The following RGS6 variants were observed in gnomAD, a reference collection of about 807,000 sequenced individuals.
The protein encoded by RGS6 is regulator of G-protein signaling 6.
RGS6 carries 30 observed loss-of-function variants against 78.5 expected under a neutral mutation model. That is an observed-to-expected ratio of 0.38 (90% CI 0.29 to 0.52). RGS6 has a LOEUF of 0.52. Among genes scored for constraint, RGS6 ranks in the 20% least tolerant of loss-of-function variants. RGS6 has a pLI of 0.85. For synonymous variants in RGS6, 206 were observed against 206.0 expected, an observed-to-expected ratio of 1.00 and a Z score of 0.00; for missense variants, 495 against 609.7, an observed-to-expected ratio of 0.81 and a Z score of 1.98.
intron 3 of RGS6, among the ~76,000 whole-genome samples, chr14:72,427,193 A>C (rs2094463208): frequency 6.6e-6 from 1 of 152,232 alleles, no homozygotes; most frequent in South Asian, 2.1e-4. Flanking sequence ...GCACAATAAG[A>C]TATTGTAAGA....
intron 2 of RGS6, among the ~76,000 whole-genome samples, chr14:72,310,868 C>T (rs1031736093): frequency 3.9e-5 from 6 of 152,170 alleles, no homozygotes; most frequent in South Asian, 2.1e-4. Context: ...AGTCAGAAAT[C>T]GTAATTGAGA....
intron 2 of RGS6, among the ~76,000 whole-genome samples, chr14:72,303,937 G>T (rs1464738856): frequency 6.6e-6 from 1 of 152,134 alleles, no homozygotes; most frequent in Non-Finnish European, 1.5e-5. Context: ...ACTTCTACCA[G>T]ATATTCCCCC....
At chr14:72,194,895 A>G (rs2039657024) in intron 2 of RGS6, among the ~76,000 whole-genome samples, 1 of 152,084 alleles carries the variant, frequency 6.6e-6, no homozygotes, top group Non-Finnish European at 1.5e-5. Flanking sequence ...ACTACTATTT[A>G]ATGAGAGGTC....
chr14:72,265,670 C>T (rs1410891886), intron 2 of RGS6, among the ~76,000 whole-genome samples: 2 of 152,126 alleles, frequency 1.3e-5, no homozygotes, highest in African/African-American at 4.8e-5. Flanking sequence ...AGTGGCTTGC[C>T]TGTGTCATTA....
chr14:72,269,522 C>T (rs960255123), intron 2 of RGS6, among the ~76,000 whole-genome samples: 33 of 151,650 alleles, frequency 2.2e-4, no homozygotes, highest in Non-Finnish European at 3.8e-4. Context: ...CCCTTACCTC[C>T]TTCATGTCTT....
intron 2 of RGS6, among the ~76,000 whole-genome samples, chr14:72,063,540 G>A (rs1485024277): frequency 3.3e-5 from 5 of 152,182 alleles, no homozygotes; most frequent in Non-Finnish European, 4.4e-5. Context: ...TTGCTGTGGG[G>A]TGAGAGGTAA....
chr14:72,404,227 A>G (rs754895323), intron 3 of RGS6, among the ~76,000 whole-genome samples: 19 of 152,324 alleles, frequency 1.2e-4, no homozygotes, highest in Middle Eastern at 3.4e-3. Context: ...GACTGTTTCA[A>G]AGTCAGAAAG....
chr14:72,151,009 G>T (rs2096677523), intron 2 of RGS6, among the ~76,000 whole-genome samples: 1 of 152,186 alleles, frequency 6.6e-6, no homozygotes. Context: ...TTCATGGAAT[G>T]GTGAGACACA....
chr14:72,046,558 T>C (rs1184298389), intron 2 of RGS6, among the ~76,000 whole-genome samples: 2 of 151,942 alleles, frequency 1.3e-5, no homozygotes, highest in African/African-American at 4.8e-5. Context: ...AGTTGCTTCC[T>C]CTCCCCATCT....
At chr14:72,174,540 C>T (rs905797929) in intron 2 of RGS6, among the ~76,000 whole-genome samples, 1 of 152,148 alleles carries the variant, frequency 6.6e-6, no homozygotes, top group Non-Finnish European at 1.5e-5. Flanking sequence ...TGAATCTCCC[C>T]AGAATATATC....
At chr14:72,180,530 T>C (rs2097160758) in intron 2 of RGS6, among the ~76,000 whole-genome samples, 2 of 152,248 alleles carry the variant, frequency 1.3e-5, no homozygotes, top group Admixed American at 6.5e-5. Context: ...TTGGCTATCA[T>C]GGGAAATTCT....
chr14:72,295,638 C>T, intron 2 of RGS6, among the ~76,000 whole-genome samples: 1 of 152,168 alleles, frequency 6.6e-6, no homozygotes, highest in East Asian at 1.9e-4. Context: ...ACCTGAAAGT[C>T]TTTGGTTGCT....
intron 3 of RGS6, among the ~76,000 whole-genome samples, chr14:72,440,889 T>G (rs1004189067): frequency 2.0e-5 from 3 of 152,122 alleles, no homozygotes; most frequent in African/African-American, 7.2e-5. Context: ...GTGTGTCTTG[T>G]GTCTATGCAC....
At chr14:72,392,060 C>T (rs2090115678) in intron 3 of RGS6, among the ~76,000 whole-genome samples, 2 of 151,942 alleles carry the variant, frequency 1.3e-5, no homozygotes, top group Non-Finnish European at 2.9e-5. Flanking sequence ...TCTCTGTCAC[C>T]CAGACTGGAG....
At chr14:71,899,115 C>A in the RGS6 span, among the ~76,000 whole-genome samples, 3 of 152,152 alleles carry the variant, frequency 2.0e-5, no homozygotes, top group African/African-American at 7.2e-5. Context: ...TCTTCCCCTT[C>A]CCCTGATTTT....
chr14:72,191,199 G>A (rs2097320011), intron 2 of RGS6, among the ~76,000 whole-genome samples: 1 of 152,156 alleles, frequency 6.6e-6, no homozygotes, highest in African/African-American at 2.4e-5. Context: ...AAATTTAAGG[G>A]AATGTCAAAA....
chr14:72,002,658 T>G (rs1595920052), intron 2 of RGS6, among the ~76,000 whole-genome samples: 1 of 152,250 alleles, frequency 6.6e-6, no homozygotes, highest in South Asian at 2.1e-4. Flanking sequence ...TGACAATGAT[T>G]ATGGAGGAGG....
intron 2 of RGS6, among the ~76,000 whole-genome samples, chr14:72,069,029 T>G (rs1490834801): frequency 4.6e-5 from 7 of 152,124 alleles, no homozygotes. Context: ...TGGAGTGCAG[T>G]GGCGCAATCT....
chr14:72,134,438 G>T (rs1298570979), intron 2 of RGS6, among the ~76,000 whole-genome samples: 4 of 152,140 alleles, frequency 2.6e-5, no homozygotes, highest in Non-Finnish European at 5.9e-5. Context: ...CAATGTTGAG[G>T]CTCCTGGTAA....
Sources: gnomAD v4.1 joint callset for allele counts (sites outside exome capture counted in the v4.1 genomes callset) on GRCh38, gnomAD v4.1.1 for gene constraint, MANE v1.5 for transcripts, NCBI Gene and HGNC (gene_info 2026-07-23, HGNC 2026-07-21) for gene names.